Variants in SPOCK1 observed in about 807,000 individuals in gnomAD.
SPOCK1 encodes testican-1.
SPOCK1 carries 23 observed loss-of-function variants against 55.3 expected under a neutral mutation model. That is an observed-to-expected ratio of 0.42 (90% CI 0.30 to 0.59). The LOEUF is 0.59. Ranked by LOEUF, SPOCK1 falls within the 20% of genes least tolerant of loss-of-function variation. The pLI is 0.22. For synonymous variants in SPOCK1, 226 were observed against 221.0 expected, an observed-to-expected ratio of 1.02 and a Z score of -0.20; for missense variants, 499 against 552.5, an observed-to-expected ratio of 0.90 and a Z score of 0.97.
intron 2 of SPOCK1, among the ~76,000 whole-genome samples, chr5:137,440,791 G>T (rs1324078238): frequency 6.6e-6 from 1 of 152,114 alleles, no homozygotes; most frequent in East Asian, 1.9e-4. Flanking sequence ...AAAGCCTACT[G>T]CTTCAAAAGC....
At chr5:137,437,576 C>T (rs569580267) in intron 2 of SPOCK1, among the ~76,000 whole-genome samples, 1 of 152,202 alleles carries the variant, frequency 6.6e-6, no homozygotes, top group East Asian at 1.9e-4. Context: ...CATTAACTTT[C>T]CCATCTTAAC....
At chr5:137,378,661 T>G (rs1184894647) in intron 2 of SPOCK1, among the ~76,000 whole-genome samples, 2 of 152,252 alleles carry the variant, frequency 1.3e-5, no homozygotes, top group African/African-American at 4.8e-5. Context: ...CAGAGTTCCA[T>G]GGCCATAGGT....
At chr5:137,232,046 G>T (rs1756073982) in intron 3 of SPOCK1, among the ~76,000 whole-genome samples, 1 of 152,032 alleles carries the variant, frequency 6.6e-6, no homozygotes, top group South Asian at 2.1e-4. Flanking sequence ...ATTTCAGATT[G>T]GCTTGTTTTT....
intron 2 of SPOCK1, among the ~76,000 whole-genome samples, chr5:137,331,997 G>A (rs1201108210): frequency 2.0e-5 from 3 of 151,902 alleles, no homozygotes; most frequent in South Asian, 2.1e-4. Flanking sequence ...AGATCACATC[G>A]CTCCCCCACA....
In SPOCK1 at chr5:137,134,641, G is replaced by A. The variant is rs1038686991; in HGVS notation, c.347+5939C>T. ...CAATGCCTTGACTTGTGAAGTGCCAGAAAGCCAACCAGACACCCAGGAATT... is the reference window on the plus strand; with the variant it reads ...CAATGCCTTGACTTGTGAAGTGCCAAAAAGCCAACCAGACACCCAGGAATT... On this transcript the variant is annotated intron_variant, in intron 4 of 10. Coordinates refer to ENST00000394945, the MANE Select transcript of SPOCK1 (RefSeq NM_004598.4). Among the ~76,000 whole-genome samples the A allele has an allele frequency of 3.9e-5, 6 of 152,232 alleles. No individual in the cohort carries two copies. In the East Asian group the frequency reaches 1.2e-3, roughly 29 times the overall value.
intron 2 of SPOCK1, among the ~76,000 whole-genome samples, chr5:137,493,204 T>C (rs1335769495): frequency 6.6e-6 from 1 of 152,238 alleles, no homozygotes; most frequent in African/African-American, 2.4e-5. Context: ...TGTTTAGTTA[T>C]TGTGTTTGGT....
intron 2 of SPOCK1, among the ~76,000 whole-genome samples, chr5:137,402,086 T>G (rs1350200891): frequency 6.6e-6 from 1 of 152,152 alleles, no homozygotes; most frequent in Non-Finnish European, 1.5e-5. Flanking sequence ...AGGAGCCCCA[T>G]CTGTTCATGC....
intron 3 of SPOCK1, among the ~76,000 whole-genome samples, chr5:137,259,889 C>T (rs1020583720): frequency 6.6e-6 from 1 of 152,054 alleles, no homozygotes; most frequent in East Asian, 1.9e-4. Flanking sequence ...TCTCCACCCT[C>T]GATAGTTAAA....
intron 2 of SPOCK1, among the ~76,000 whole-genome samples, chr5:137,457,804 A>T (rs1036157709): frequency 2.6e-5 from 4 of 152,050 alleles, no homozygotes; most frequent in African/African-American, 9.7e-5. Context: ...CCCAGAGGGG[A>T]AAAAAGGGGA....
chr5:137,358,160 GGCT>G (rs946501809), intron 2 of SPOCK1, among the ~76,000 whole-genome samples: 5 of 152,056 alleles, frequency 3.3e-5, no homozygotes, highest in African/African-American at 9.6e-5. Flanking sequence ...GGTGTTTTGT[GGCT>G]GCTATGTGTC....
intron 3 of SPOCK1, among the ~76,000 whole-genome samples, chr5:137,197,267 G>C (rs771725863): frequency 1.4e-4 from 21 of 152,114 alleles, no homozygotes; most frequent in Admixed American, 7.2e-4. Flanking sequence ...GCTGGCACCT[G>C]CTTGTTTTGC....
intron 2 of SPOCK1, among the ~76,000 whole-genome samples, chr5:137,403,806 G>C (rs1352638118): frequency 1.3e-5 from 2 of 152,054 alleles, no homozygotes; most frequent in African/African-American, 4.8e-5. Context: ...AGCTTGGAGG[G>C]GTAACAGGAG....
intron 2 of SPOCK1, among the ~76,000 whole-genome samples, chr5:137,304,951 A>T (rs1225854910): frequency 2.6e-5 from 4 of 152,182 alleles, no homozygotes; most frequent in African/African-American, 7.2e-5. Flanking sequence ...TAAACCGCAC[A>T]AACTTAGTCT....
chr5:137,106,372 T>A (rs891035549), intron 5 of SPOCK1, among the ~76,000 whole-genome samples: 5 of 152,128 alleles, frequency 3.3e-5, no homozygotes, highest in African/African-American at 4.8e-5. Context: ...CCCAGCAAGC[T>A]TTACTCTTTC....
chr5:137,170,242 T>C (rs999085204), intron 3 of SPOCK1, among the ~76,000 whole-genome samples: 4 of 152,210 alleles, frequency 2.6e-5, no homozygotes, highest in Non-Finnish European at 1.5e-5. Context: ...TTAACCATTG[T>C]ACTTTTATTT....
chr5:137,035,014 T>A (rs180819000), intron 6 of SPOCK1, among the ~76,000 whole-genome samples: 2 of 152,110 alleles, frequency 1.3e-5, no homozygotes, highest in Admixed American at 6.5e-5. Context: ...ACTGCTGGGG[T>A]TGGCTGTGGC....
rs34993373 is a variant in SPOCK1 at position 137,294,959 on chromosome 5, C to T, written c.187-27904G>A. ...AGAAGACCAAACTCCTCTTTCCACC[C>T]CCATGATCTCCTACTTCTGGCACTG... is the stretch of plus-strand genomic sequence containing the variant. On this transcript the variant is annotated intron_variant, in intron 2 of 10. Transcript: ENST00000394945. 3.6e-3 allele frequency among the ~76,000 whole-genome samples: 554 copies of T among 152,296 alleles called. 2 individuals carry two copies. Among genetic ancestry groups the T allele is most frequent in the Middle Eastern group, 0.01 (3 of 294 alleles).
chr5:137,325,175 G>A (rs1445823183), intron 2 of SPOCK1, among the ~76,000 whole-genome samples: 5 of 148,966 alleles, frequency 3.4e-5, no homozygotes, highest in Non-Finnish European at 7.6e-5. Context: ...GCTTAATTAT[G>A]TAATTCAAAA....
At chr5:137,221,783 A>C (rs1755852896) in intron 3 of SPOCK1, among the ~76,000 whole-genome samples, 2 of 152,238 alleles carry the variant, frequency 1.3e-5, no homozygotes, top group Admixed American at 1.3e-4. Flanking sequence ...CTCTTCCAAG[A>C]AAATTAGCAT....
Sources: allele counts gnomAD v4.1 joint callset (sites outside exome capture counted in the v4.1 genomes callset), GRCh38; gene constraint gnomAD v4.1.1; transcripts MANE v1.5; gene names NCBI Gene and HGNC (gene_info 2026-07-23, HGNC 2026-07-21).